Variants in NAV3 observed in about 807,000 individuals in gnomAD.
NAV3 encodes the protein pore membrane and/or filament interacting like protein 1.
NAV3 carries 87 observed loss-of-function variants against 244.7 expected under a neutral mutation model. The observed-to-expected ratio is 0.36, with a 90% CI of 0.30 to 0.42. The LOEUF (loss-of-function observed/expected upper bound fraction) is 0.42, where lower values mean the gene tolerates loss of function less well. Ranked by LOEUF, NAV3 falls within the 20% of genes least tolerant of loss-of-function variation. The pLI is 1.00. For missense variants in NAV3, 2,663 were observed against 2,893.3 expected (o/e 0.92, Z 1.83); for synonymous variants, 1,126 against 1,042.2 (o/e 1.08, Z -1.55).
chr12:78,066,159 A>G (rs996574950), intron 12 of NAV3, among the ~76,000 whole-genome samples: 4 of 152,100 alleles, frequency 2.6e-5, no homozygotes, highest in East Asian at 1.9e-4. Context: ...TCAGCTGCCT[A>G]TGAACCAGCA....
chr12:77,863,507 A>T (rs1159347117), intron 1 of NAV3, among the ~76,000 whole-genome samples: 1 of 151,792 alleles, frequency 6.6e-6, no homozygotes, highest in Non-Finnish European at 1.5e-5. Context: ...AACAAATAAA[A>T]TTCTCCTATA....
chr12:78,056,093 A>G (rs976594826), intron 11 of NAV3: 2 of 152,152 alleles, frequency 1.3e-5, no homozygotes, highest in Non-Finnish European at 2.9e-5. Flanking sequence ...CAAATCCTAC[A>G]TGAAACTTCC....
At chr12:77,769,219 G>T (rs1290197880) in intron 2 of NAV3, among the ~76,000 whole-genome samples, 1 of 152,146 alleles carries the variant, frequency 6.6e-6, no homozygotes, top group African/African-American at 2.4e-5. Flanking sequence ...TATAGTTGCT[G>T]CATGTTTATG....
chr12:78,159,339 G>T, intron 23 of NAV3, 53 bp downstream of exon 23: 2 of 1,435,394 alleles, frequency 1.4e-6, no homozygotes, highest in South Asian at 1.2e-5. Context: ...AATTGCATAG[G>T]ATTCTTAAAT....
intron 1 of NAV3, among the ~76,000 whole-genome samples, chr12:77,913,497 A>G (rs938554911): frequency 1.3e-5 from 2 of 152,050 alleles, no homozygotes; most frequent in Non-Finnish European, 2.9e-5. Context: ...CAGTGGCGCA[A>G]TCTCGATTCA....
At chr12:77,940,191 G>T (rs1889731333) in intron 1 of NAV3, 128 bp from the exon 2 acceptor site, 1 of 689,746 alleles carries the variant, frequency 1.4e-6, no homozygotes, top group African/African-American at 1.8e-5. Context: ...TTCCTTTAGA[G>T]CTATGACTTC....
intron 12 of NAV3, among the ~76,000 whole-genome samples, chr12:78,100,305 A>G (rs926556782): frequency 6.6e-6 from 1 of 151,964 alleles, no homozygotes; most frequent in Non-Finnish European, 1.5e-5. Context: ...GGTACTAAGT[A>G]CAAACAGAAG....
intron 2 of NAV3, among the ~76,000 whole-genome samples, chr12:77,583,870 T>C (rs151209574): frequency 2.1e-3 from 326 of 152,252 alleles, no homozygotes; most frequent in African/African-American, 7.1e-3. Flanking sequence ...CTTCAATTCA[T>C]TCTCTTCCAG....
At chr12:77,998,257 AT>A (rs1872684218) in intron 6 of NAV3, 79 bp from the exon 7 acceptor site, 1 of 1,071,356 alleles carries the variant, frequency 9.3e-7, no homozygotes, top group Non-Finnish European at 1.3e-6. Flanking sequence ...TATGTTGTAA[AT>A]TTCTGACTTT....
chr12:77,575,041 A>G (rs1869017493), intron 2 of NAV3, among the ~76,000 whole-genome samples: 1 of 148,442 alleles, frequency 6.7e-6, no homozygotes, highest in Admixed American at 6.8e-5. Context: ...ATATATATAT[A>G]ATATTTACAT....
At chr12:78,096,843 CT>C (rs2138133916) in intron 12 of NAV3, among the ~76,000 whole-genome samples, 1 of 152,258 alleles carries the variant, frequency 6.6e-6, no homozygotes, top group East Asian at 1.9e-4. Flanking sequence ...GGTTCTGAGC[CT>C]TTCCAGTTAC....
chr12:78,165,710 GA>G (rs1241442508), intron 23 of NAV3, among the ~76,000 whole-genome samples: 2 of 151,622 alleles, frequency 1.3e-5, no homozygotes, highest in Non-Finnish European at 2.9e-5. Context: ...CCATAATTAT[GA>G]AGAAGAAAAA....
At chr12:77,624,417 C>A (rs532479110) in intron 2 of NAV3, among the ~76,000 whole-genome samples, 1 of 152,068 alleles carries the variant, frequency 6.6e-6, no homozygotes. Flanking sequence ...CTCAGAGTCA[C>A]CTCAGAAGCC....
At chr12:77,718,669 T>G (rs961357292) in intron 2 of NAV3, among the ~76,000 whole-genome samples, 1 of 152,102 alleles carries the variant, frequency 6.6e-6, no homozygotes, top group Admixed American at 6.6e-5. Flanking sequence ...TCTTTTCTTT[T>G]TTTTCGAGAC....
At chr12:77,977,708 A>ACGCGTG (rs1555248319) in intron 5 of NAV3, among the ~76,000 whole-genome samples, 5 of 73,282 alleles carry the variant, frequency 6.8e-5, no homozygotes, top group Non-Finnish European at 1.6e-4. Context: ...ACACACACAC[A>ACGCGTG]CGCGCACACA....
chr12:78,204,571 T>A (rs553417743), intron 38 of NAV3, among the ~76,000 whole-genome samples: 6 of 152,282 alleles, frequency 3.9e-5, no homozygotes, highest in East Asian at 3.9e-4. Flanking sequence ...GCATATTTTT[T>A]AAAATCTTCC....
At chr12:78,080,097 A>G (rs774126843) in intron 12 of NAV3, among the ~76,000 whole-genome samples, 15 of 152,172 alleles carry the variant, frequency 9.9e-5, no homozygotes, top group Non-Finnish European at 2.1e-4. Flanking sequence ...ATAGCCATCT[A>G]GACATTCTTA....
intron 23 of NAV3, among the ~76,000 whole-genome samples, chr12:78,161,444 T>C (rs929322249): frequency 6.6e-6 from 1 of 152,110 alleles, no homozygotes; most frequent in Non-Finnish European, 1.5e-5. Context: ...CCACCCAATA[T>C]TTTCTTGAAC....
chr12:77,704,098 A>G (rs1227657031), intron 2 of NAV3, among the ~76,000 whole-genome samples: 1 of 152,206 alleles, frequency 6.6e-6, no homozygotes, highest in Admixed American at 6.5e-5. Flanking sequence ...TATTGAGTAA[A>G]CACATTTAAA....
Sources: gnomAD v4.1 joint callset for allele counts (sites outside exome capture counted in the v4.1 genomes callset) on GRCh38, gnomAD v4.1.1 for gene constraint, MANE v1.5 for transcripts, NCBI Gene and HGNC (gene_info 2026-07-23, HGNC 2026-07-21) for gene names.